The following CABLES1 variants were observed in gnomAD, a reference collection of about 807,000 sequenced individuals.
The protein encoded by CABLES1 is CDK5 and ABL1 enzyme substrate 1.
A neutral mutation model predicts 57.8 loss-of-function variants in CABLES1; 36 were observed. That is an observed-to-expected ratio of 0.62 (90% confidence interval 0.48 to 0.82). The LOEUF is 0.82. Ranked by LOEUF, CABLES1 falls within the 40% of genes least tolerant of loss-of-function variation. The pLI is 0.00. For missense variants in CABLES1, 767 were observed against 836.6 expected (o/e 0.92, Z 1.03); for synonymous variants, 374 against 363.0 (o/e 1.03, Z -0.35).
At chr18:23,250,638 C>T (rs940527168) in intron 7 of CABLES1, among the ~76,000 whole-genome samples, 1 of 152,222 alleles carries the variant, frequency 6.6e-6, no homozygotes, top group African/African-American at 2.4e-5. Flanking sequence ...TGTCCAAATA[C>T]TGTGGCCCTG....
At chr18:23,234,383 C>T (rs1239621981) in intron 4 of CABLES1, among the ~76,000 whole-genome samples, 1 of 152,200 alleles carries the variant, frequency 6.6e-6, no homozygotes, top group Admixed American at 6.5e-5. Flanking sequence ...AAACCATCAG[C>T]TTCATCTTCA....
At chr18:23,179,192 A>G (rs947547474) in intron 1 of CABLES1, among the ~76,000 whole-genome samples, 4 of 152,078 alleles carry the variant, frequency 2.6e-5, no homozygotes, top group African/African-American at 9.7e-5. Context: ...GGGCTGAGGC[A>G]GGAGAATCGC....
At chr18:23,159,304 G>C (rs1052187937) in intron 1 of CABLES1, among the ~76,000 whole-genome samples, 3 of 152,216 alleles carry the variant, frequency 2.0e-5, no homozygotes, top group Non-Finnish European at 4.4e-5. Flanking sequence ...GGAGTGGGAG[G>C]TGGAGCGGTT....
intron 1 of CABLES1, among the ~76,000 whole-genome samples, chr18:23,150,738 A>G (rs1039651667): frequency 6.6e-6 from 1 of 151,926 alleles, no homozygotes; most frequent in East Asian, 1.9e-4. Flanking sequence ...AACTTCTATT[A>G]GGTGTTGTGA....
intron 3 of CABLES1, among the ~76,000 whole-genome samples, chr18:23,209,506 G>C (rs1710381715): frequency 6.6e-6 from 1 of 152,156 alleles, no homozygotes; most frequent in South Asian, 2.1e-4. Context: ...CAGAATTTTT[G>C]CATGTGTGCC....
In CABLES1 at chr18:23,136,362, CG is replaced by C; in HGVS notation, c.604del (p.Ala202ProfsTer137). The C allele has an allele frequency of 6.6e-7, 1 of 1,516,256 alleles. No individual in the cohort carries two copies. Among genetic ancestry groups the C allele is most frequent in the Non-Finnish European group, 8.8e-7 (1 of 1,133,556 alleles). 93.9% of individuals were successfully genotyped at this position (1,516,256 alleles called of 1,614,324 possible). A position where few individuals can be genotyped will look rare whatever the true frequency, so the allele number is the denominator to read the frequency against. On this transcript the variant is annotated frameshift_variant, in exon 1 of 10. Coordinates refer to ENST00000256925, the MANE Select transcript of CABLES1 (RefSeq NM_001100619.3). LOFTEE classifies it high-confidence loss of function. ...CAQLQLLDGS[G>X]AAGQEELEED... ...CCCAACTGCAGCTGCTCGACGGGTC[CG>C]GGGCCGCCGGGCAGGAGGAGTTGGA...
chr18:23,253,956 G>A lies in CABLES1; in HGVS notation c.1761+20G>A, dbSNP rs781193535. The A allele has an allele frequency of 5.3e-5, 85 of 1,606,412 alleles. No individual in the cohort carries two copies. Among genetic ancestry groups the A allele is most frequent in the Non-Finnish European group, 7.1e-5 (83 of 1,173,396 alleles). On this transcript the variant is annotated intron_variant, in intron 9 of 9. Transcript: ENST00000256925. ...ATTGACGTAAGTAGCCTTTTTCCTGGTGGCTGGAGGAGCACATGCTCCGGT... is the reference window on the plus strand; with the variant it reads ...ATTGACGTAAGTAGCCTTTTTCCTGATGGCTGGAGGAGCACATGCTCCGGT...
intron 7 of CABLES1, among the ~76,000 whole-genome samples, chr18:23,245,036 T>TTC (rs1054612423): frequency 2.6e-5 from 4 of 152,230 alleles, no homozygotes; most frequent in African/African-American, 9.6e-5. Flanking sequence ...ACCCTCACTG[T>TTC]TCTCCAGGAT....
At chr18:23,174,719 A>G (rs541938680) in intron 1 of CABLES1, among the ~76,000 whole-genome samples, 77 of 149,382 alleles carry the variant, frequency 5.2e-4, no homozygotes, top group Middle Eastern at 3.5e-3. Flanking sequence ...TAATCCGCCC[A>G]CCTTGGCCTC....
At chr18:23,196,329 G>GCGGGT (rs1491578080) in intron 3 of CABLES1, among the ~76,000 whole-genome samples, 18 of 152,172 alleles carry the variant, frequency 1.2e-4, no homozygotes, top group African/African-American at 4.1e-4. Context: ...TGAGGCCACG[G>GCGGGT]CGGGTCGTAT....
At position 23,204,182 on chromosome 18, in the gene CABLES1, C is replaced by T. The variant is rs369451919; in HGVS notation, c.1010+9642C>T. Among the ~76,000 whole-genome samples the T allele has an allele frequency of 4.6e-5, 7 of 152,204 alleles. No homozygotes were observed. In the East Asian group the frequency reaches 7.7e-4, roughly 17 times the overall value. ...GGAAGCGGGGAGAGAAGCTGGCATG[C>T]AGGGCAGTCACTCGGCACTGAGAAT... is the stretch of plus-strand genomic sequence containing the variant. On this transcript the variant is annotated intron_variant, in intron 3 of 9. Transcript: ENST00000256925.
At chr18:23,245,863 G>C (rs1422077164) in intron 7 of CABLES1, among the ~76,000 whole-genome samples, 1 of 152,234 alleles carries the variant, frequency 6.6e-6, no homozygotes, top group African/African-American at 2.4e-5. Context: ...AAACACAACT[G>C]CCTGCTGCAG....
chr18:23,248,022 A>G (rs1327133771), intron 7 of CABLES1, among the ~76,000 whole-genome samples: 1 of 152,194 alleles, frequency 6.6e-6, no homozygotes, highest in Non-Finnish European at 1.5e-5. Flanking sequence ...TGCAGACCCC[A>G]AGAGCTAGGA....
chr18:23,172,834 A>G (rs1271188679), intron 1 of CABLES1, among the ~76,000 whole-genome samples: 1 of 152,204 alleles, frequency 6.6e-6, no homozygotes, highest in Non-Finnish European at 1.5e-5. Context: ...CACTAATAAT[A>G]TATTTCCAAG....
intron 6 of CABLES1, among the ~76,000 whole-genome samples, chr18:23,236,290 C>T (rs894778456): frequency 5.3e-5 from 8 of 152,184 alleles, no homozygotes; most frequent in Admixed American, 4.6e-4. Flanking sequence ...ACGCCAAGGC[C>T]GTGCACACCA....
At chr18:23,244,040 C>T (rs1055185305) in intron 7 of CABLES1, among the ~76,000 whole-genome samples, 2 of 152,184 alleles carry the variant, frequency 1.3e-5, no homozygotes, top group African/African-American at 4.8e-5. Flanking sequence ...GTATTTGTCT[C>T]GGATTTTTGA....
intron 7 of CABLES1, among the ~76,000 whole-genome samples, chr18:23,246,669 GCT>G (rs2047901679): frequency 2.0e-5 from 3 of 151,614 alleles, no homozygotes; most frequent in South Asian, 2.1e-4. Flanking sequence ...GGGATTATAT[GCT>G]TGAGCCACCG....
chr18:23,244,300 C>T (rs2047819678), intron 7 of CABLES1, among the ~76,000 whole-genome samples: 1 of 152,200 alleles, frequency 6.6e-6, no homozygotes, highest in Non-Finnish European at 1.5e-5. Context: ...TCCCCATGGC[C>T]ATGTAAACCT....
Position 23,136,494 on chromosome 18 carries a change from T to G in CABLES1, c.732T>G (p.Thr244=). ...GTCGGGGACGCCTCAACTCGTTCACTCAGGGAATCCTGCCCATCGCCTTCT... is the reference window on the plus strand; with the variant it reads ...GTCGGGGACGCCTCAACTCGTTCACGCAGGGAATCCTGCCCATCGCCTTCT... ...SGSRGRLNSF[T]QGILPIAFSR... Residue 244 remains threonine, a synonymous_variant, in exon 1 of 10, where the codon ACT becomes ACG. Coordinates refer to ENST00000256925, the MANE Select transcript of CABLES1 (RefSeq NM_001100619.3). 1 of 1,601,216 alleles carries G rather than the reference T, an allele frequency of 6.2e-7. No homozygotes were observed. Among genetic ancestry groups the G allele is most frequent in the Non-Finnish European group, 8.5e-7 (1 of 1,177,434 alleles).
Sources: gnomAD v4.1 joint callset for allele counts (sites outside exome capture counted in the v4.1 genomes callset) on GRCh38, gnomAD v4.1.1 for gene constraint, MANE v1.5 for transcripts, NCBI Gene and HGNC (gene_info 2026-07-23, HGNC 2026-07-21) for gene names.